Variants in CNTNAP5 observed in about 807,000 individuals in gnomAD.
CNTNAP5 encodes contactin associated protein family member 5.
CNTNAP5 carries 72 observed loss-of-function variants against 150.2 expected under a neutral mutation model. The ratio of observed to expected loss-of-function variants is 0.48; its 90% CI spans 0.40 to 0.58. The LOEUF (loss-of-function observed/expected upper bound fraction) is 0.58. Ranked by LOEUF, CNTNAP5 falls within the 20% of genes least tolerant of loss-of-function variation. The pLI is 0.00. For missense variants in CNTNAP5, 1,636 were observed against 1,626.2 expected, an observed-to-expected ratio of 1.01 and a Z score of -0.10; for synonymous variants, 672 against 619.8, an observed-to-expected ratio of 1.08 and a Z score of -1.25.
At chr2:124,186,795 T>C (rs552002792) in intron 1 of CNTNAP5, among the ~76,000 whole-genome samples, 24 of 152,290 alleles carry the variant, frequency 1.6e-4, no homozygotes, top group Admixed American at 1.5e-3. Flanking sequence ...TCCTATAAAG[T>C]CAAATTTCAA....
intron 3 of CNTNAP5, among the ~76,000 whole-genome samples, chr2:124,271,225 A>T (rs1326052042): frequency 6.6e-6 from 1 of 152,210 alleles, no homozygotes; most frequent in African/African-American, 2.4e-5. Flanking sequence ...TTAAATGCAC[A>T]GTCTTGAGAG....
intron 1 of CNTNAP5, among the ~76,000 whole-genome samples, chr2:124,128,718 A>C (rs187486581): frequency 6.6e-4 from 101 of 152,314 alleles, no homozygotes; most frequent in Middle Eastern, 6.8e-3. Context: ...ACACCATGGA[A>C]TACTATGCAG....
At chr2:124,304,505 G>C (rs1688634143) in intron 3 of CNTNAP5, among the ~76,000 whole-genome samples, 1 of 146,996 alleles carries the variant, frequency 6.8e-6, no homozygotes, top group South Asian at 2.1e-4. Context: ...GGTTTCTGAT[G>C]GCAATGATAA....
intron 10 of CNTNAP5, among the ~76,000 whole-genome samples, chr2:124,548,990 G>A (rs987161755): frequency 6.6e-6 from 1 of 152,144 alleles, no homozygotes; most frequent in African/African-American, 2.4e-5. Context: ...ACAAGGGGAT[G>A]GTCTCAGACC....
At chr2:124,514,263 T>C (rs565058745) in intron 8 of CNTNAP5, among the ~76,000 whole-genome samples, 2 of 152,240 alleles carry the variant, frequency 1.3e-5, no homozygotes, top group Non-Finnish European at 2.9e-5. Context: ...TTTACCAAAG[T>C]AGTGATTTCT....
At chr2:124,793,343 A>G (rs1681778015) in intron 18 of CNTNAP5, among the ~76,000 whole-genome samples, 1 of 152,124 alleles carries the variant, frequency 6.6e-6, no homozygotes, top group Non-Finnish European at 1.5e-5. Context: ...AATTTTTTGG[A>G]GAAATGTCTA....
intron 1 of CNTNAP5, among the ~76,000 whole-genome samples, chr2:124,031,348 G>T (rs905836743): frequency 1.1e-4 from 17 of 152,238 alleles, no homozygotes; most frequent in African/African-American, 4.1e-4. Flanking sequence ...TTGGTTTCCT[G>T]CTAAGAATGC....
In CNTNAP5 at chr2:124,025,546, T is replaced by G. The variant is rs1573698746; in HGVS notation, c.-105T>G. 7.7e-6 allele frequency: 7 copies of G among 903,686 alleles called. No homozygotes were observed. Among genetic ancestry groups the G allele is most frequent in the Non-Finnish European group, 1.3e-5 (7 of 557,926 alleles). 56.0% of individuals were successfully genotyped at this position (903,686 alleles called of 1,614,324 possible). A position where few individuals can be genotyped will look rare whatever the true frequency, so the allele number is the denominator to read the frequency against. Reference sequence around the variant, plus strand: ...GAGCGAGTGCCTCTCCAAGCGGGGGTGGGAGGGGGTCAGGCTGTGCAGAGG... The same window carrying G: ...GAGCGAGTGCCTCTCCAAGCGGGGGGGGGAGGGGGTCAGGCTGTGCAGAGG... On this transcript the variant is annotated 5_prime_UTR_variant, in exon 1 of 24. Transcript: ENST00000682447.
At chr2:124,317,231 A>T (rs1688990509) in intron 3 of CNTNAP5, among the ~76,000 whole-genome samples, 1 of 152,184 alleles carries the variant, frequency 6.6e-6, no homozygotes, top group African/African-American at 2.4e-5. Context: ...CAATGAATTA[A>T]TAATAATACT....
At chr2:124,903,403 A>T (rs1378916011) in intron 22 of CNTNAP5, among the ~76,000 whole-genome samples, 1 of 152,134 alleles carries the variant, frequency 6.6e-6, no homozygotes, top group African/African-American at 2.4e-5. Flanking sequence ...CTACTGTTGA[A>T]GTGGATACTG....
At position 124,025,919 on chromosome 2, in the gene CNTNAP5, G is replaced by A. The variant is rs548543972; in HGVS notation, c.82+187G>A. On this transcript the variant is annotated intron_variant, in intron 1 of 23. Transcript: ENST00000682447. ...TTAGTAGAGCTCAAATGAGCCAACC[G>A]TGCTGGATTTCCTCCCTTCTTCCGT... 1.2e-4 allele frequency among the ~76,000 whole-genome samples: 18 copies of A among 152,276 alleles called. No homozygotes were observed. The South Asian group carries it at 3.7e-3, about 32-fold the overall frequency.
chr2:124,621,453 G>T (rs1423015404), intron 12 of CNTNAP5, among the ~76,000 whole-genome samples: 1 of 152,126 alleles, frequency 6.6e-6, no homozygotes, highest in Non-Finnish European at 1.5e-5. Context: ...TTGTCACTCT[G>T]GCTATTATGA....
At chr2:124,193,680 G>A (rs1447191270) in intron 1 of CNTNAP5, among the ~76,000 whole-genome samples, 1 of 152,166 alleles carries the variant, frequency 6.6e-6, no homozygotes, top group Admixed American at 6.5e-5. Context: ...CACTGGACAA[G>A]GAGGGAGCGA....
intron 19 of CNTNAP5, among the ~76,000 whole-genome samples, chr2:124,802,521 G>A (rs1428204031): frequency 6.6e-6 from 1 of 152,216 alleles, no homozygotes; most frequent in Admixed American, 6.5e-5. Context: ...TGTTAGGAAA[G>A]AGAAGGCAGT....
chr2:124,724,766 A>T (rs1376059373), intron 13 of CNTNAP5, among the ~76,000 whole-genome samples: 3 of 151,964 alleles, frequency 2.0e-5, no homozygotes, highest in Non-Finnish European at 4.4e-5. Context: ...AAAAAGTAGT[A>T]TTAGTGGGAG....
At chr2:124,291,859 C>T (rs1342155742) in intron 3 of CNTNAP5, among the ~76,000 whole-genome samples, 2 of 152,176 alleles carry the variant, frequency 1.3e-5, no homozygotes, top group African/African-American at 4.8e-5. Context: ...CATCTGTGTC[C>T]AACATGGTGT....
intron 12 of CNTNAP5, among the ~76,000 whole-genome samples, chr2:124,611,267 C>T (rs75836084): frequency 0.031 from 4,741 of 152,210 alleles, 72 homozygotes; most frequent in Middle Eastern, 0.051. Context: ...GGAACACTAC[C>T]GTGAGGTATC....
intron 3 of CNTNAP5, among the ~76,000 whole-genome samples, chr2:124,355,054 T>TA (rs1190006917): frequency 6.6e-6 from 1 of 150,938 alleles, no homozygotes; most frequent in South Asian, 2.1e-4. Flanking sequence ...CCTTTTCATT[T>TA]AAAAAAATTT....
chr2:124,541,179 A>ATTT (rs3980963), intron 10 of CNTNAP5, among the ~76,000 whole-genome samples: 15 of 83,080 alleles, frequency 1.8e-4, no homozygotes, highest in African/African-American at 6.1e-4. Flanking sequence ...CAAAATTCCG[A>ATTT]TTTTTTTTTT....
Sources: allele counts gnomAD v4.1 joint callset (sites outside exome capture counted in the v4.1 genomes callset), GRCh38; gene constraint gnomAD v4.1.1; transcripts MANE v1.5; gene names NCBI Gene and HGNC (gene_info 2026-07-23, HGNC 2026-07-21).